Variants in PCCA observed in about 807,000 individuals in gnomAD.
PCCA encodes propionyl-CoA carboxylase alpha chain, mitochondrial.
In PCCA, 74 loss-of-function variants were observed where a neutral mutation model predicts 101.3. The observed-to-expected ratio is 0.73, with a 90% CI of 0.61 to 0.89. The LOEUF (loss-of-function observed/expected upper bound fraction) is 0.89, where lower values mean the gene tolerates loss of function less well. Among genes scored for constraint, PCCA ranks in the 40% least tolerant of loss-of-function variants. The probability of loss-of-function intolerance (pLI) is 0.00; values close to 1 mark genes in which losing one functional copy is unlikely to be tolerated. For synonymous variants in PCCA, 294 were observed against 313.6 expected (o/e 0.94, Z 0.66); for missense variants, 891 against 907.0 (o/e 0.98, Z 0.23).
chr13:100,484,152 T>C (rs1189015072), intron 21 of PCCA, among the ~76,000 whole-genome samples: 1 of 152,194 alleles, frequency 6.6e-6, no homozygotes, highest in East Asian at 1.9e-4. Context: ...GCTTTCCTGC[T>C]ATTCTTGTTC....
chr13:100,431,089 A>T (rs200707921), intron 20 of PCCA, among the ~76,000 whole-genome samples: 1 of 152,066 alleles, frequency 6.6e-6, no homozygotes, highest in Non-Finnish European at 1.5e-5. Context: ...ATTTTTTTTC[A>T]CATCCTGGTG....
At chr13:100,156,371 G>A (rs756715169) in intron 5 of PCCA, among the ~76,000 whole-genome samples, 6 of 152,132 alleles carry the variant, frequency 3.9e-5, no homozygotes, top group Non-Finnish European at 8.8e-5. Context: ...CCCAGCCCGA[G>A]TTCAGCATTT....
At chr13:100,463,932 C>A (rs903598339) in intron 21 of PCCA, among the ~76,000 whole-genome samples, 1 of 152,138 alleles carries the variant, frequency 6.6e-6, no homozygotes, top group African/African-American at 2.4e-5. Flanking sequence ...TTCAAAGTAT[C>A]TCAGGATCTG....
At chr13:100,484,284 A>G (rs2084189184) in intron 21 of PCCA, among the ~76,000 whole-genome samples, 2 of 152,184 alleles carry the variant, frequency 1.3e-5, no homozygotes, top group South Asian at 4.2e-4. Context: ...AGTCTTTAGC[A>G]GATCCACCGT....
At chr13:100,347,253 G>A (rs777781729) in intron 18 of PCCA, among the ~76,000 whole-genome samples, 4 of 152,262 alleles carry the variant, frequency 2.6e-5, no homozygotes, top group Admixed American at 6.5e-5. Context: ...CAGTGTAAAC[G>A]TAACTTTTAT....
intron 21 of PCCA, among the ~76,000 whole-genome samples, chr13:100,474,119 G>T (rs915588382): frequency 6.6e-6 from 1 of 152,042 alleles, no homozygotes; most frequent in African/African-American, 2.4e-5. Flanking sequence ...TTTTCTTTCT[G>T]GTACCTATAG....
chr13:100,173,489 G>A (rs1032674456), intron 6 of PCCA, among the ~76,000 whole-genome samples: 1 of 152,174 alleles, frequency 6.6e-6, no homozygotes, highest in Non-Finnish European at 1.5e-5. Context: ...GTGCCAGAAA[G>A]CAACTTGGTA....
chr13:100,134,681 T>A (rs1043367872), intron 4 of PCCA, among the ~76,000 whole-genome samples: 3 of 151,972 alleles, frequency 2.0e-5, no homozygotes, highest in African/African-American at 7.2e-5. Flanking sequence ...GCCTCCTGAG[T>A]AGCTGGGATT....
At chr13:100,342,366 C>T (rs890075132) in intron 18 of PCCA, among the ~76,000 whole-genome samples, 3 of 151,796 alleles carry the variant, frequency 2.0e-5, no homozygotes, top group Non-Finnish European at 4.4e-5. Context: ...CGGGTTCAAG[C>T]GATTCTCCTG....
intron 21 of PCCA, among the ~76,000 whole-genome samples, chr13:100,454,294 G>C (rs1173965943): frequency 5.3e-5 from 8 of 152,170 alleles, no homozygotes; most frequent in African/African-American, 1.9e-4. Flanking sequence ...ATACCTAGCA[G>C]GAATGTCAGT....
intron 12 of PCCA, among the ~76,000 whole-genome samples, chr13:100,283,891 C>T (rs973978793): frequency 6.6e-5 from 10 of 152,178 alleles, no homozygotes; most frequent in African/African-American, 1.7e-4. Flanking sequence ...TCCACTATGC[C>T]GAGGCAATCA....
intron 8 of PCCA, among the ~76,000 whole-genome samples, chr13:100,237,725 G>GTTA (rs372392914): frequency 1.3e-5 from 2 of 151,722 alleles, no homozygotes; most frequent in African/African-American, 2.4e-5. Flanking sequence ...TAATAATACT[G>GTTA]TTATTATTAT....
chr13:100,170,615 G>A (rs2055537800), intron 6 of PCCA, among the ~76,000 whole-genome samples: 1 of 152,148 alleles, frequency 6.6e-6, no homozygotes, highest in Non-Finnish European at 1.5e-5. Flanking sequence ...GTACCACTAC[G>A]TGTGTGCATG....
chr13:100,130,298 C>A (rs546421886), intron 4 of PCCA, among the ~76,000 whole-genome samples: 3 of 152,252 alleles, frequency 2.0e-5, no homozygotes, highest in South Asian at 4.1e-4. Context: ...TGGCAGCTGC[C>A]AAGTTGGAGT....
intron 19 of PCCA, among the ~76,000 whole-genome samples, chr13:100,410,498 C>T (rs1300082216): frequency 2.0e-5 from 3 of 152,170 alleles, no homozygotes; most frequent in Admixed American, 6.5e-5. Context: ...GCCTTGGCCT[C>T]CCAAAGTGCT....
intron 20 of PCCA, among the ~76,000 whole-genome samples, chr13:100,428,360 C>G (rs1275415140): frequency 4.8e-5 from 7 of 145,766 alleles, no homozygotes; most frequent in Non-Finnish European, 7.6e-5. Flanking sequence ...CCACCCCCCC[C>G]ACACCCTCAG....
At chr13:100,516,858 C>G (rs2086865091) in intron 22 of PCCA, among the ~76,000 whole-genome samples, 1 of 151,872 alleles carries the variant, frequency 6.6e-6, no homozygotes, top group Non-Finnish European at 1.5e-5. Context: ...CGTTCACTTG[C>G]ACGTGACATT....
intron 21 of PCCA, among the ~76,000 whole-genome samples, chr13:100,510,236 C>A (rs982677389): frequency 4.6e-5 from 7 of 152,172 alleles, no homozygotes; most frequent in African/African-American, 1.4e-4. Flanking sequence ...CTCGATAATC[C>A]TTTATCCACC....
intron 21 of PCCA, among the ~76,000 whole-genome samples, chr13:100,449,729 A>T (rs1344898021): frequency 6.6e-6 from 1 of 152,152 alleles, no homozygotes; most frequent in Non-Finnish European, 1.5e-5. Context: ...GCCTCAAGTG[A>T]TCCATCCACC....
Sources: gnomAD v4.1 joint callset for allele counts (sites outside exome capture counted in the v4.1 genomes callset) on GRCh38, gnomAD v4.1.1 for gene constraint, MANE v1.5 for transcripts, NCBI Gene and HGNC (gene_info 2026-07-23, HGNC 2026-07-21) for gene names.